Variants in TNIK observed in about 807,000 individuals in gnomAD.
TNIK encodes TRAF2 and NCK interacting kinase.
TNIK carries 49 observed loss-of-function variants against 191.3 expected under a neutral mutation model. The observed-to-expected ratio is 0.26, with a 90% CI of 0.20 to 0.32. The LOEUF is 0.32. Among genes scored for constraint, TNIK ranks in the 10% least tolerant of loss-of-function variants. The pLI, the probability that TNIK is intolerant of heterozygous loss-of-function variation, is 1.00. For missense variants in TNIK, 1,155 were observed against 1,702.3 expected, an observed-to-expected ratio of 0.68 and a Z score of 5.66; for synonymous variants, 594 against 600.9, an observed-to-expected ratio of 0.99 and a Z score of 0.17.
chr3:171,406,169 A>T (rs954620142), intron 1 of TNIK, among the ~76,000 whole-genome samples: 1 of 152,162 alleles, frequency 6.6e-6, no homozygotes, highest in African/African-American at 2.4e-5. Context: ...AGTGAAAAAA[A>T]AAACCAGAGC....
chr3:171,294,928 T>A (rs1752095321), intron 2 of TNIK, among the ~76,000 whole-genome samples: 1 of 151,606 alleles, frequency 6.6e-6, no homozygotes, highest in Non-Finnish European at 1.5e-5. Context: ...ATGTGTTCAT[T>A]CAGAGATTAA....
At chr3:171,232,763 C>T (rs1038512612) in intron 2 of TNIK, among the ~76,000 whole-genome samples, 1 of 152,204 alleles carries the variant, frequency 6.6e-6, no homozygotes, top group African/African-American at 2.4e-5. Context: ...CTTCTTCTCC[C>T]TCACTTTTGA....
intron 2 of TNIK, among the ~76,000 whole-genome samples, chr3:171,262,568 G>T (rs995208872): frequency 1.1e-4 from 17 of 152,170 alleles, no homozygotes; most frequent in African/African-American, 3.9e-4. Context: ...CCTAATCTTG[G>T]AGTAGTTTTT....
intron 20 of TNIK, 189 bp downstream of exon 20, chr3:171,107,876 G>A (rs1039289990): frequency 2.4e-5 from 12 of 494,632 alleles, no homozygotes; most frequent in Admixed American, 1.9e-4. Flanking sequence ...GCCAAAGGCA[G>A]AGGAGTCAAT....
At chr3:171,086,307 C>T (rs189979312) in intron 24 of TNIK, among the ~76,000 whole-genome samples, 20 of 152,286 alleles carry the variant, frequency 1.3e-4, no homozygotes, top group Non-Finnish European at 2.5e-4. Context: ...AGGTTGAATT[C>T]CCCCTACCAA....
At chr3:171,309,003 A>G (rs1272215941) in intron 2 of TNIK, among the ~76,000 whole-genome samples, 1 of 152,166 alleles carries the variant, frequency 6.6e-6, no homozygotes, top group Non-Finnish European at 1.5e-5. Context: ...TTCTCAAAGC[A>G]CTTAAAAACA....
At chr3:171,144,421 A>G (rs1039516449) in intron 12 of TNIK, among the ~76,000 whole-genome samples, 2 of 152,072 alleles carry the variant, frequency 1.3e-5, no homozygotes, top group African/African-American at 2.4e-5. Context: ...TTATTTTAAG[A>G]TATTTTAAAT....
At chr3:171,187,517 C>T (rs1232283421) in intron 7 of TNIK, among the ~76,000 whole-genome samples, 3 of 152,054 alleles carry the variant, frequency 2.0e-5, no homozygotes, top group African/African-American at 7.2e-5. Context: ...ATCTTTGAGA[C>T]CTGATTTCAA....
At chr3:171,411,820 C>A (rs374335352) in intron 1 of TNIK, among the ~76,000 whole-genome samples, 5 of 152,220 alleles carry the variant, frequency 3.3e-5, no homozygotes, top group African/African-American at 1.2e-4. Flanking sequence ...TACACCGAAG[C>A]TGATCCCCGC....
intron 12 of TNIK, among the ~76,000 whole-genome samples, chr3:171,149,153 A>G (rs1732066721): frequency 6.8e-6 from 1 of 147,708 alleles, no homozygotes; most frequent in African/African-American, 2.4e-5. Flanking sequence ...AATAACTAAG[A>G]AGACTGTGAA....
chr3:171,129,751 C>T (rs1171097100), intron 15 of TNIK, among the ~76,000 whole-genome samples: 3 of 152,216 alleles, frequency 2.0e-5, no homozygotes, highest in South Asian at 2.1e-4. Context: ...CCAGTGAATG[C>T]CCTTTCTAAA....
intron 3 of TNIK, among the ~76,000 whole-genome samples, 176 bp from the exon 4 acceptor site, chr3:171,211,417 G>A (rs1740809241): frequency 6.6e-6 from 1 of 152,104 alleles, no homozygotes; most frequent in African/African-American, 2.4e-5. Flanking sequence ...GGCTGTCCAA[G>A]AGACTCTTCT....
intron 2 of TNIK, among the ~76,000 whole-genome samples, chr3:171,230,173 C>T (rs1278915789): frequency 2.6e-5 from 4 of 152,190 alleles, no homozygotes; most frequent in African/African-American, 9.7e-5. Flanking sequence ...AGAGCAGCAA[C>T]GCTACCTTTC....
chr3:171,107,356 T>A, intron 20 of TNIK, 150 bp from the exon 21 acceptor site: 1 of 677,508 alleles, frequency 1.5e-6, no homozygotes, highest in Non-Finnish European at 2.4e-6. Context: ...ATGATGCAAA[T>A]CCCTTCATTA....
At chr3:171,192,086 T>G (rs532730087) in intron 5 of TNIK, among the ~76,000 whole-genome samples, 1 of 151,980 alleles carries the variant, frequency 6.6e-6, no homozygotes, top group South Asian at 2.1e-4. Flanking sequence ...AGCATGAGAG[T>G]ACAGAGGTCC....
In TNIK at chr3:171,243,428, TAA is replaced by T. The variant is rs35754359; in HGVS notation, c.124-15209_124-15208del. On this transcript the variant is annotated intron_variant, in intron 2 of 32. Coordinates refer to ENST00000436636, the MANE Select transcript of TNIK (RefSeq NM_015028.4). ...AATGAACATAATATTTATAGTAAAT[TAA>T]AAAAAAAAAACACCTTCTTATCCAA... is the stretch of plus-strand genomic sequence containing the variant. 3.9e-4 allele frequency among the ~76,000 whole-genome samples: 58 copies of T among 147,046 alleles called. No homozygotes were observed. In the South Asian group the frequency reaches 4.3e-3, roughly 11 times the overall value.
At chr3:171,445,704 G>A (rs187774377) in intron 1 of TNIK, among the ~76,000 whole-genome samples, 2 of 152,242 alleles carry the variant, frequency 1.3e-5, no homozygotes, top group African/African-American at 4.8e-5. Flanking sequence ...ATCCAAAACA[G>A]CAAGAAGTAG....
chr3:171,136,832 G>T (rs185109207), intron 15 of TNIK, among the ~76,000 whole-genome samples: 2 of 152,176 alleles, frequency 1.3e-5, no homozygotes, highest in African/African-American at 4.8e-5. Context: ...AGAACAGGTG[G>T]ATTATTAAGG....
intron 2 of TNIK, among the ~76,000 whole-genome samples, chr3:171,344,438 T>G (rs1315476660): frequency 2.0e-5 from 3 of 152,120 alleles, no homozygotes; most frequent in Non-Finnish European, 2.9e-5. Flanking sequence ...GGTGTGTGTG[T>G]TTTCATTTTC....
Sources: allele counts gnomAD v4.1 joint callset (sites outside exome capture counted in the v4.1 genomes callset), GRCh38; gene constraint gnomAD v4.1.1; transcripts MANE v1.5; gene names NCBI Gene and HGNC (gene_info 2026-07-23, HGNC 2026-07-21).